Variants in RAPGEF5 observed in about 807,000 individuals in gnomAD.
RAPGEF5 encodes Rap guanine nucleotide exchange factor 5, also known as M-Ras-regulated GEF.
Under a neutral mutation model 125.2 loss-of-function variants are expected in RAPGEF5, and 65 were observed. The ratio of observed to expected loss-of-function variants is 0.52; its 90% confidence interval spans 0.43 to 0.64. The LOEUF (loss-of-function observed/expected upper bound fraction) is 0.64. Among genes scored for constraint, RAPGEF5 ranks in the 30% least tolerant of loss-of-function variants. The pLI, the probability that RAPGEF5 is intolerant of heterozygous loss-of-function variation, is 0.00. For missense variants in RAPGEF5, 958 were observed against 1,048.1 expected, an observed-to-expected ratio of 0.91 and a Z score of 1.19; for synonymous variants, 391 against 385.9, an observed-to-expected ratio of 1.01 and a Z score of -0.16.
Position 22,150,484 on chromosome 7 carries a change from T to A in RAPGEF5, c.1807A>T (p.Asn603Tyr), listed in dbSNP as rs772158832. 1 of 1,596,680 alleles carries A rather than the reference T, an allele frequency of 6.3e-7. No homozygotes were observed. The highest frequency in any genetic ancestry group is 8.5e-7 in the Non-Finnish European group (1 of 1,174,420). Residue 603 changes from asparagine to tyrosine, a missense_variant, in exon 18 of 26, where the codon AAT (asparagine) becomes TAT (tyrosine). By Grantham distance (143) the Asn-to-Tyr change is moderately radical. Coordinates refer to ENST00000665637, the MANE Select transcript of RAPGEF5 (RefSeq NM_012294.5). ...AGGGATTTGGAGATGACTAAGTCAT[T>A]TGGCTGAAGTTCATGCTTTTCTTTA... ...FSGEKHELQPNDLVISKSLEA... is the reference protein window; with the variant it reads ...FSGEKHELQPYDLVISKSLEA...
At chr7:22,204,330 A>T (rs1785349176) in intron 9 of RAPGEF5, among the ~76,000 whole-genome samples, 1 of 152,220 alleles carries the variant, frequency 6.6e-6, no homozygotes, top group East Asian at 1.9e-4. Context: ...TATTCTTCAA[A>T]CTTAAAAAGG....
At chr7:22,275,527 C>CA (rs1267212759) in intron 6 of RAPGEF5, among the ~76,000 whole-genome samples, 1 of 152,160 alleles carries the variant, frequency 6.6e-6, no homozygotes, top group Non-Finnish European at 1.5e-5. Context: ...TAAGAACTTT[C>CA]AAATACCCAG....
chr7:22,310,899 G>T (rs953176447), intron 3 of RAPGEF5, among the ~76,000 whole-genome samples: 23 of 152,040 alleles, frequency 1.5e-4, no homozygotes, highest in African/African-American at 5.3e-4. Context: ...ATTACAGGCG[G>T]TATCATCATG....
intron 7 of RAPGEF5, among the ~76,000 whole-genome samples, chr7:22,258,624 C>CAAAAAAAAAAA (rs34352575): frequency 8.7e-5 from 4 of 45,822 alleles, no homozygotes; most frequent in Non-Finnish European, 1.2e-4. Context: ...AACTCCGTCT[C>CAAAAAAAAAAA]AAAAAAAAAA....
At chr7:22,173,896 A>G (rs960052240) in intron 11 of RAPGEF5, among the ~76,000 whole-genome samples, 2 of 152,158 alleles carry the variant, frequency 1.3e-5, no homozygotes, top group African/African-American at 4.8e-5. Flanking sequence ...CAGCCCATTC[A>G]TGGCATATGC....
intron 17 of RAPGEF5, among the ~76,000 whole-genome samples, chr7:22,152,129 C>T (rs925381141): frequency 6.6e-6 from 1 of 152,100 alleles, no homozygotes; most frequent in South Asian, 2.1e-4. Context: ...GATAATTGGC[C>T]CAAATGCAAA....
intron 21 of RAPGEF5, 122 bp downstream of exon 21, chr7:22,139,903 C>G (rs1783203116): frequency 2.4e-6 from 2 of 818,174 alleles, no homozygotes; most frequent in African/African-American, 3.5e-5. Flanking sequence ...CAAAAAGATC[C>G]CTACCACCTT....
intron 11 of RAPGEF5, among the ~76,000 whole-genome samples, chr7:22,177,226 C>G (rs1355636050): frequency 6.6e-5 from 10 of 152,164 alleles, no homozygotes; most frequent in Non-Finnish European, 1.5e-4. Flanking sequence ...AAGGCATCCT[C>G]CACACCCCAG....
At chr7:22,239,603 G>C (rs2128135920) in intron 7 of RAPGEF5, among the ~76,000 whole-genome samples, 1 of 152,108 alleles carries the variant, frequency 6.6e-6, no homozygotes, top group South Asian at 2.1e-4. Flanking sequence ...CCCTACAGCA[G>C]AGAGGACTCC....
chr7:22,240,113 G>A (rs1175402004), intron 7 of RAPGEF5, among the ~76,000 whole-genome samples: 1 of 151,200 alleles, frequency 6.6e-6, no homozygotes, highest in Non-Finnish European at 1.5e-5. Flanking sequence ...AGGAAGCTGA[G>A]GCAGGAGAAT....
rs370645446 is a variant in RAPGEF5, at chr7:22,162,421, A to T, written c.1404T>A (p.Asp468Glu). ...CCTTTAAAAACATTTTTGAATGTTC[A>T]TCTTCAGGTAACCAGTCTTTGTACA... ...IALYKDWLPE[D>E]EHSKMFLKTI... Residue 468 changes from aspartate (D) to glutamate (E), a missense_variant, in exon 13 of 26, where the codon GAT becomes GAA. Coordinates refer to ENST00000665637, the MANE Select transcript of RAPGEF5 (RefSeq NM_012294.5). 7 of 1,592,822 alleles carry T rather than the reference A, an allele frequency of 4.4e-6. No homozygotes were observed. The highest frequency in any genetic ancestry group is 2.7e-5 in the African/African-American group (2 of 74,378).
intron 14 of RAPGEF5, 86 bp downstream of exon 14, chr7:22,160,432 A>G: frequency 7.7e-7 from 1 of 1,290,814 alleles, no homozygotes; most frequent in Non-Finnish European, 1.1e-6. Context: ...TTCAAAATCA[A>G]CTTTTATGTA....
chr7:22,269,058 TTACTG>T (rs1405689021), intron 6 of RAPGEF5, among the ~76,000 whole-genome samples: 1 of 151,628 alleles, frequency 6.6e-6, no homozygotes, highest in Non-Finnish European at 1.5e-5. Context: ...ATAAATGAGA[TTACTG>T]TACTGTACTA....
chr7:22,139,324 G>C (rs1399230842), intron 21 of RAPGEF5, among the ~76,000 whole-genome samples: 1 of 152,168 alleles, frequency 6.6e-6, no homozygotes, highest in Non-Finnish European at 1.5e-5. Context: ...TAGGGAGGTA[G>C]CCAGTCAGGA....
intron 6 of RAPGEF5, among the ~76,000 whole-genome samples, chr7:22,283,955 A>T (rs1782735345): frequency 6.6e-6 from 1 of 152,168 alleles, no homozygotes; most frequent in Non-Finnish European, 1.5e-5. Context: ...CCTGCTTACC[A>T]AAACCAAACT....
intron 1 of RAPGEF5, among the ~76,000 whole-genome samples, chr7:22,318,349 C>A (rs1007158232): frequency 2.0e-5 from 3 of 152,060 alleles, no homozygotes; most frequent in Non-Finnish European, 4.4e-5. Flanking sequence ...TTCCATTTCT[C>A]CTTTCCTTTT....
In RAPGEF5 at chr7:22,122,511, A is replaced by T. The variant is rs1407466935; in HGVS notation, c.2547T>A (p.Ser849=). ...HCRTNQFGDL[S]PKEHQELKSY... The stretch of plus-strand genomic sequence containing the variant: ...ACTTTAACTCTTGATGCTCTTTTGG[A>T]GACAGGTCACCTGTTGTTTAGAGGG... Residue 849 remains serine, a synonymous_variant, in exon 26 of 26, where the codon TCT becomes TCA. Coordinates refer to ENST00000665637, the MANE Select transcript of RAPGEF5 (RefSeq NM_012294.5). 1 of 1,612,430 alleles carries T rather than the reference A, an allele frequency of 6.2e-7. No individual in the cohort carries two copies. The highest frequency in any genetic ancestry group is 1.1e-5 in the South Asian group (1 of 91,032).
At chr7:22,276,391 T>C (rs1222369066) in intron 6 of RAPGEF5, among the ~76,000 whole-genome samples, 1 of 152,202 alleles carries the variant, frequency 6.6e-6, no homozygotes, top group East Asian at 1.9e-4. Flanking sequence ...TCCATACATA[T>C]CTTTTCTCAA....
intron 11 of RAPGEF5, chr7:22,191,318 T>C (rs1285417411): frequency 2.0e-5 from 5 of 246,990 alleles, no homozygotes; most frequent in Non-Finnish European, 2.5e-5. Flanking sequence ...TTGGAAGAGC[T>C]ACACTGACTT....
Sources: gnomAD v4.1 joint callset for allele counts (sites outside exome capture counted in the v4.1 genomes callset) on GRCh38, gnomAD v4.1.1 for gene constraint, MANE v1.5 for transcripts, NCBI Gene and HGNC (gene_info 2026-07-23, HGNC 2026-07-21) for gene names.